The following METTL21C variants were observed in gnomAD, a reference collection of about 807,000 sequenced individuals.
METTL21C encodes methyltransferase 21C, AARS1 lysine.
In METTL21C, 21 loss-of-function variants were observed where a neutral mutation model predicts 25.9. That is an observed-to-expected ratio of 0.81 (90% CI 0.58 to 1.17). The LOEUF (loss-of-function observed/expected upper bound fraction) is 1.17, where lower values mean the gene tolerates loss of function less well. Among genes scored for constraint, METTL21C ranks in the 50% most tolerant of loss-of-function variants. The pLI, the probability that METTL21C is intolerant of heterozygous loss-of-function variation, is 0.00. For synonymous variants in METTL21C, 125 were observed against 124.7 expected, an observed-to-expected ratio of 1.00 and a Z score of -0.01; for missense variants, 312 against 315.1, an observed-to-expected ratio of 0.99 and a Z score of 0.07.
chr13:102,689,095 A>ATTT (rs11419397), intron 2 of METTL21C, among the ~76,000 whole-genome samples: 36 of 151,648 alleles, frequency 2.4e-4, no homozygotes, highest in African/African-American at 6.5e-4. Flanking sequence ...TTTTTTTTAA[A>ATTT]ATTATTATTT....
Position 102,687,039 on chromosome 13 carries a change from A to C in METTL21C, c.301T>G (p.Tyr101Asp), listed in dbSNP as rs1391697219. ...VWPGAMALCQ[Y>D]LEEHAEELNF... ...AATTCCTCGGCATGTTCCTCCAAGT[A>C]TTGACACAAAGCCATAGCCTAAAAA... The change falls in exon 3 of 4, where the codon TAC (tyrosine) becomes GAC (aspartate). Residue 101 changes from tyrosine to aspartate, a missense_variant. Transcript: ENST00000267273. 2 of 1,613,834 alleles carry C rather than the reference A, an allele frequency of 1.2e-6. No individual in the cohort carries two copies. Among genetic ancestry groups the C allele is most frequent in the South Asian group, 2.2e-5 (2 of 91,076 alleles).
At chr13:102,688,531 C>T (rs775298640) in intron 2 of METTL21C, among the ~76,000 whole-genome samples, 6 of 152,100 alleles carry the variant, frequency 3.9e-5, no homozygotes, top group Non-Finnish European at 7.4e-5. Flanking sequence ...AAGGCCAGGG[C>T]GGTGGGTAAA....
At chr13:102,704,235 T>C in the METTL21C span, among the ~76,000 whole-genome samples, 11 of 152,210 alleles carry the variant, frequency 7.2e-5, no homozygotes, top group East Asian at 5.8e-4. Flanking sequence ...TTTCAAAGCT[T>C]AAATAACTTC....
chr13:102,702,204 T>G, the METTL21C span, among the ~76,000 whole-genome samples: 4 of 144,588 alleles, frequency 2.8e-5, no homozygotes, highest in African/African-American at 1.2e-4. Context: ...CATATATATA[T>G]ATGTAGAGAG....
intron 3 of METTL21C, 49 bp downstream of exon 3, chr13:102,686,891 G>A (rs765336380): frequency 6.9e-7 from 1 of 1,443,056 alleles, no homozygotes; most frequent in Non-Finnish European, 9.8e-7. Flanking sequence ...ACTTGCTATT[G>A]TTGTTACAGT....
At chr13:102,700,545 A>G in the METTL21C span, among the ~76,000 whole-genome samples, 1 of 152,366 alleles carries the variant, frequency 6.6e-6, no homozygotes, top group African/African-American at 2.4e-5. Context: ...AGCATGTGAT[A>G]TTAATTACAC....
intron 1 of METTL21C, among the ~76,000 whole-genome samples, chr13:102,691,187 C>T (rs1382372647): frequency 6.6e-6 from 1 of 152,104 alleles, no homozygotes; most frequent in Non-Finnish European, 1.5e-5. Flanking sequence ...TGACAAAATG[C>T]CAAAGAATGC....
At chr13:102,691,743 G>A (rs536157991) in intron 1 of METTL21C, among the ~76,000 whole-genome samples, 1 of 152,348 alleles carries the variant, frequency 6.6e-6, no homozygotes, top group Non-Finnish European at 1.5e-5. Flanking sequence ...CTGTTCAAAA[G>A]GTAGAGGCCC....
At chr13:102,701,856 AAAACCAACATAAATAT>A in the METTL21C span, among the ~76,000 whole-genome samples, 1 of 152,180 alleles carries the variant, frequency 6.6e-6, no homozygotes, top group Admixed American at 6.5e-5. Flanking sequence ...ATGGTCTTTT[AAAACCAACATAAATAT>A]TAGGGGACTT....
intron 1 of METTL21C, among the ~76,000 whole-genome samples, chr13:102,692,095 C>T (rs1885846604): frequency 1.3e-5 from 2 of 151,944 alleles, no homozygotes; most frequent in Non-Finnish European, 1.5e-5. Context: ...GCCTTTGTGG[C>T]CTGGGATATG....
chr13:102,698,828 G>A (rs952936638), upstream of METTL21C, among the ~76,000 whole-genome samples: 6 of 152,208 alleles, frequency 3.9e-5, no homozygotes, highest in Non-Finnish European at 7.3e-5. Context: ...GTGGGCATAT[G>A]AACCTGTTGG....
Position 102,690,862 on chromosome 13 carries a change from A to G in METTL21C, c.233T>C (p.Ile78Thr). 1.9e-6 allele frequency: 3 copies of G among 1,614,100 alleles called. No individual in the cohort carries two copies. The highest frequency in any genetic ancestry group is 1.1e-5 in the South Asian group (1 of 91,080). Residue 78 changes from isoleucine (I) to threonine (T), a missense_variant, in exon 2 of 4, where the codon ATT becomes ACT. Transcript: ENST00000267273. The part of the protein sequence containing the change: ...QEHYRFAGKE[I>T]VIQESIESYG... ...ACTCTCTATGGATTCCTGGATGACA[A>G]TCTCCTTTCCTGCAAACCGATAATG...
At chr13:102,698,165 C>T (rs533136730), upstream of METTL21C, among the ~76,000 whole-genome samples, 60 of 152,136 alleles carry the variant, frequency 3.9e-4, no homozygotes, top group Non-Finnish European at 4.9e-4. Context: ...AAATAAATGT[C>T]TCATATTATC....
chr13:102,694,883 C>G lies in METTL21C; in HGVS notation c.-385G>C, dbSNP rs565478900. On this transcript the variant is annotated 5_prime_UTR_variant, in exon 1 of 4. Coordinates refer to ENST00000267273, the MANE Select transcript of METTL21C (RefSeq NM_001010977.3). ...TAGAATTCTCTCTCTTTCTCTCTCT[C>G]TCTCTCTCTCTCTCTCTCACACACA... is the stretch of plus-strand genomic sequence containing the variant. Among the ~76,000 whole-genome samples, 15 of 133,892 alleles carry G rather than the reference C, an allele frequency of 1.1e-4. No individual in the cohort carries two copies. Among genetic ancestry groups the G allele is most frequent in the African/African-American group, 4.1e-4 (14 of 34,344 alleles). 87.8% of individuals were successfully genotyped at this position (133,892 alleles called of 152,430 possible).
At chr13:102,693,468 C>T (rs1344212791) in intron 1 of METTL21C, among the ~76,000 whole-genome samples, 2 of 152,198 alleles carry the variant, frequency 1.3e-5, no homozygotes, top group Admixed American at 6.5e-5. Flanking sequence ...CAGGCCATGC[C>T]TGTCCCTCCT....
upstream of METTL21C, among the ~76,000 whole-genome samples, chr13:102,699,848 C>A (rs1411271910): frequency 6.6e-6 from 1 of 152,188 alleles, no homozygotes; most frequent in African/African-American, 2.4e-5. Flanking sequence ...GGGGGAGTCC[C>A]CTGAGAGCAG....
chr13:102,695,223 G>A (rs1885928764), upstream of METTL21C, among the ~76,000 whole-genome samples: 1 of 152,116 alleles, frequency 6.6e-6, no homozygotes, highest in Non-Finnish European at 1.5e-5. Flanking sequence ...GGAAGGGAAT[G>A]CTTTGGGGAG....
At chr13:102,700,985 C>G in the METTL21C span, among the ~76,000 whole-genome samples, 8 of 151,994 alleles carry the variant, frequency 5.3e-5, no homozygotes, top group Non-Finnish European at 1.0e-4. Flanking sequence ...ATTTTAGCAA[C>G]AGCAGTTGAC....
Position 102,686,334 on chromosome 13 carries a change from C to T in METTL21C, c.492G>A (p.Leu164=). 1.2e-6 allele frequency: 2 copies of T among 1,614,182 alleles called. No homozygotes were observed. Among genetic ancestry groups the T allele is most frequent in the African/African-American group, 2.7e-5 (2 of 75,028 alleles). ...CCCATACCAGTTCTTTCACTTCAGG[C>T]AGATGTGCTGTACATTGTAGTGTGT... ...LKNTLQCTAH[L]PEVKELVWGE... Residue 164 remains leucine (L), a synonymous_variant, in exon 4 of 4, where the codon CTG becomes CTA. Coordinates refer to ENST00000267273, the MANE Select transcript of METTL21C (RefSeq NM_001010977.3).
Sources: gnomAD v4.1 joint callset for allele counts (sites outside exome capture counted in the v4.1 genomes callset) on GRCh38, gnomAD v4.1.1 for gene constraint, MANE v1.5 for transcripts, NCBI Gene and HGNC (gene_info 2026-07-23, HGNC 2026-07-21) for gene names.